The following GAB2 variants were observed in gnomAD, a reference collection of about 807,000 sequenced individuals.
GAB2 encodes GRB2 associated binding protein 2.
A neutral mutation model predicts 65.5 loss-of-function variants in GAB2; 26 were observed. That is an observed-to-expected ratio of 0.40 (90% CI 0.29 to 0.55). The LOEUF (loss-of-function observed/expected upper bound fraction) is 0.55. Ranked by LOEUF, GAB2 falls within the 20% of genes least tolerant of loss-of-function variation. The pLI is 0.53. For missense variants in GAB2, 884 were observed against 875.8 expected (o/e 1.01, Z -0.12); for synonymous variants, 321 against 329.6 (o/e 0.97, Z 0.28).
chr11:78,404,374 C>T (rs1857013202), intron 1 of GAB2, among the ~76,000 whole-genome samples: 1 of 152,166 alleles, frequency 6.6e-6, no homozygotes, highest in Non-Finnish European at 1.5e-5. Flanking sequence ...GAGCCCTCAC[C>T]TCTGCAAAAA....
chr11:78,401,505 C>CGTGTGTGTGTGTGT lies in GAB2; in HGVS notation c.75+16127_75+16140dup, dbSNP rs34474918. ...TTCCCTTTTAAGGCTGAACAGTATT[C>CGTGTGTGTGTGTGT]GTGTGTGTGTGTGTGTGTGTGTGTG... On this transcript the variant is annotated intron_variant, in intron 1 of 9. Coordinates refer to ENST00000361507, the MANE Select transcript of GAB2 (RefSeq NM_080491.3). 7.8e-4 allele frequency among the ~76,000 whole-genome samples: 98 copies of CGTGTGTGTGTGTGT among 125,010 alleles called. 1 individual carries two copies. The highest frequency in any genetic ancestry group is 1.7e-3 in the African/African-American group (59 of 33,846). 82.0% of individuals were successfully genotyped at this position (125,010 alleles called of 152,430 possible). A position where few individuals can be genotyped will look rare whatever the true frequency, so the allele number is the denominator to read the frequency against.
At position 78,309,926 on chromosome 11, in the gene GAB2, A is replaced by ATGTGTGTG. The variant is rs60718900; in HGVS notation, c.76-29033_76-29026dup. 2.0e-3 allele frequency among the ~76,000 whole-genome samples: 271 copies of ATGTGTGTG among 135,688 alleles called. 1 individual carries two copies. Among genetic ancestry groups the ATGTGTGTG allele is most frequent in the East Asian group, 0.012 (52 of 4,480 alleles). The allele number at this position is 135,688 out of a possible 152,430, so 89.0% of individuals were successfully genotyped here. A position where few individuals can be genotyped will look rare whatever the true frequency, so the allele number is the denominator to read the frequency against. The stretch of plus-strand genomic sequence containing the variant: ...CGGTTCACTTTGGGGAGGGTTAGAA[A>ATGTGTGTG]TGTGTGTGTGTGTGTGTGTGTGTGT... On this transcript the variant is annotated intron_variant, in intron 1 of 9. Coordinates refer to ENST00000361507, the MANE Select transcript of GAB2 (RefSeq NM_080491.3).
At chr11:78,395,184 C>T (rs756007984) in intron 1 of GAB2, among the ~76,000 whole-genome samples, 25 of 152,220 alleles carry the variant, frequency 1.6e-4, no homozygotes, top group African/African-American at 4.8e-4. Context: ...CCAGGCGCGG[C>T]GGCTCACGCC....
At chr11:78,309,600 T>A (rs1447327770) in intron 1 of GAB2, among the ~76,000 whole-genome samples, 2 of 151,868 alleles carry the variant, frequency 1.3e-5, no homozygotes, top group African/African-American at 4.8e-5. Context: ...GCCCCCTGAG[T>A]AGCTGGGACT....
At chr11:78,262,831 C>T (rs1309660732) in intron 2 of GAB2, among the ~76,000 whole-genome samples, 1 of 152,204 alleles carries the variant, frequency 6.6e-6, no homozygotes, top group Admixed American at 6.5e-5. Context: ...TTGAGCAGGC[C>T]TGCCAAAGCA....
chr11:78,406,381 A>T (rs1389809451), intron 1 of GAB2, among the ~76,000 whole-genome samples: 1 of 147,750 alleles, frequency 6.8e-6, no homozygotes, highest in East Asian at 2.0e-4. Context: ...TCCACGTTTA[A>T]TTTTTTTTTT....
chr11:78,354,466 GAAAAC>G (rs1196802559), intron 1 of GAB2, among the ~76,000 whole-genome samples: 1 of 151,970 alleles, frequency 6.6e-6, no homozygotes, highest in Non-Finnish European at 1.5e-5. Flanking sequence ...CAGAATTGCT[GAAAAC>G]TAAAATGTTC....
chr11:78,351,059 G>T (rs1451479832), intron 1 of GAB2, among the ~76,000 whole-genome samples: 1 of 152,100 alleles, frequency 6.6e-6, no homozygotes, highest in Non-Finnish European at 1.5e-5. Flanking sequence ...AAACAATTGG[G>T]TACTGTATCC....
chr11:78,407,262 C>G (rs190727054), intron 1 of GAB2, among the ~76,000 whole-genome samples: 24 of 152,084 alleles, frequency 1.6e-4, no homozygotes, highest in African/African-American at 5.5e-4. Flanking sequence ...AGGATAAACT[C>G]AAGAAAATTC....
intron 1 of GAB2, among the ~76,000 whole-genome samples, chr11:78,286,625 A>C (rs1022137567): frequency 7.0e-6 from 1 of 142,950 alleles, no homozygotes; most frequent in Non-Finnish European, 1.5e-5. Flanking sequence ...GTTCAAATTA[A>C]TAAAACTTAT....
At chr11:78,294,266 T>C (rs1009667926) in intron 1 of GAB2, among the ~76,000 whole-genome samples, 5 of 152,204 alleles carry the variant, frequency 3.3e-5, no homozygotes, top group Non-Finnish European at 7.3e-5. Flanking sequence ...TATGGCTGCA[T>C]AGTATTCCAT....
chr11:78,340,850 T>C (rs1856081264), intron 1 of GAB2, among the ~76,000 whole-genome samples: 1 of 152,124 alleles, frequency 6.6e-6, no homozygotes, highest in African/African-American at 2.4e-5. Flanking sequence ...CCAAGGTAAA[T>C]CTAGGTCTCA....
At chr11:78,363,092 C>T (rs570814153) in intron 1 of GAB2, among the ~76,000 whole-genome samples, 1 of 152,268 alleles carries the variant, frequency 6.6e-6, no homozygotes, top group South Asian at 2.1e-4. Flanking sequence ...TCAAGTTAAC[C>T]TTCCTTGGAA....
chr11:78,320,137 C>T lies in GAB2; in HGVS notation c.76-39236G>A, dbSNP rs187923912. Among the ~76,000 whole-genome samples the T allele has an allele frequency of 3.6e-3, 544 of 152,264 alleles. 4 individuals are homozygous for T. Among genetic ancestry groups the T allele is most frequent in the Non-Finnish European group, 6.4e-3 (436 of 68,028 alleles). On this transcript the variant is annotated intron_variant, in intron 1 of 9. Coordinates refer to ENST00000361507, the MANE Select transcript of GAB2 (RefSeq NM_080491.3). Reference sequence around the variant, plus strand: ...TGCCCCTGCTTGGCCTCTCAAAGTGCGGGGATTACAGGCATGAGCCACTGC... The same window carrying T: ...TGCCCCTGCTTGGCCTCTCAAAGTGTGGGGATTACAGGCATGAGCCACTGC...
intron 2 of GAB2, among the ~76,000 whole-genome samples, chr11:78,267,069 T>C (rs1865891478): frequency 6.6e-6 from 1 of 151,992 alleles, no homozygotes; most frequent in Non-Finnish European, 1.5e-5. Context: ...GTCTGAGGTG[T>C]GGTAAGACTC....
chr11:78,322,867 G>C (rs940819836), intron 1 of GAB2, among the ~76,000 whole-genome samples: 3 of 151,202 alleles, frequency 2.0e-5, no homozygotes, highest in Admixed American at 2.0e-4. Flanking sequence ...ATACACTGTT[G>C]GTGGGAATGT....
intron 1 of GAB2, among the ~76,000 whole-genome samples, chr11:78,359,529 TG>T (rs1856404988): frequency 1.3e-5 from 2 of 152,134 alleles, no homozygotes; most frequent in Admixed American, 1.3e-4. Context: ...AAACAGAAAT[TG>T]CCACAGACAG....
chr11:78,242,231 G>C (rs12099280), intron 3 of GAB2, among the ~76,000 whole-genome samples: 5,131 of 152,298 alleles, frequency 0.034, 273 homozygotes, highest in African/African-American at 0.12. Flanking sequence ...AGCCGGGTGT[G>C]GTGGCTCATG....
chr11:78,289,426 T>A (rs1866587664), intron 1 of GAB2, among the ~76,000 whole-genome samples: 1 of 151,944 alleles, frequency 6.6e-6, no homozygotes, highest in South Asian at 2.1e-4. Flanking sequence ...AAGGTGAAAA[T>A]CTTTGGGATC....
Sources: allele counts gnomAD v4.1 joint callset (sites outside exome capture counted in the v4.1 genomes callset), GRCh38; gene constraint gnomAD v4.1.1; transcripts MANE v1.5; gene names NCBI Gene and HGNC (gene_info 2026-07-23, HGNC 2026-07-21).